PSG7: variants seen among roughly 807,000 people sequenced by gnomAD.
PSG7 encodes pregnancy specific beta-1-glycoprotein 7, also known as pregnancy-specific beta-1-glycoprotein 7.
In PSG7, 57 loss-of-function variants were observed where a neutral mutation model predicts 45.6. That is an observed-to-expected ratio of 1.25 (90% CI 1.01 to 1.56). The LOEUF (loss-of-function observed/expected upper bound fraction) is 1.56, where lower values mean the gene tolerates loss of function less well. PSG7 is among the 40% of genes most tolerant of loss of function. PSG7 has a pLI of 0.00. For synonymous variants in PSG7, 298 were observed against 194.4 expected (o/e 1.53, Z -4.43); for missense variants, 796 against 508.4 (o/e 1.57, Z -5.44).
At chr19:42,926,121 G>C in intron 4 of PSG7, 94 bp from the exon 5 acceptor site, 1 of 1,536,042 alleles carries the variant, frequency 6.5e-7, no homozygotes, top group Non-Finnish European at 8.8e-7. Context: ...TCTGAGCCGA[G>C]ACACACCCTC....
chr19:42,926,238 C>A lies in PSG7; in HGVS notation c.988+200G>T, dbSNP rs1477479853. 5 of 1,385,484 alleles carry A rather than the reference C, an allele frequency of 3.6e-6. No homozygotes were observed. The Admixed American group carries it at 1.1e-4, about 30-fold the overall frequency. 85.8% of individuals were successfully genotyped at this position (1,385,484 alleles called of 1,614,324 possible). ...CCCAAGTCTCCCATGACAAGAGCGT[C>A]CACTCCCCTTATATTCTTGGTTAAG... On this transcript the variant is annotated intron_variant, in intron 4 of 5. Transcript: ENST00000406070.
Position 42,929,519 on chromosome 19 carries a change from G to A in PSG7, c.632C>T (p.Thr211Ile), listed in dbSNP as rs370090831. 91 of 1,612,516 alleles carry A rather than the reference G, an allele frequency of 5.6e-5. 2 individuals carry two copies. The highest frequency in any genetic ancestry group is 7.1e-5 in the Non-Finnish European group (84 of 1,179,258). The change falls in exon 3 of 6, where the codon ACT becomes ATT. Residue 211 changes from threonine (T) to isoleucine (I), a missense_variant. Transcript: ENST00000406070. ...TLYLFGVTNY[T>I]AGPYECEIRN... ...TATTTCACATTCATAGGGTCCTGCA[G>A]TATAGTTTGTGACACCAAATAGGTA...
rs370808980 is a variant in PSG7, at chr19:42,935,484, G to T, written c.350C>A (p.Thr117Lys). ...LLIQNVTQED[T>K]GSYTLHIIKR... is the part of the protein sequence containing the mutation. Reference sequence around the variant, plus strand: ...TATGATGTGTAAAGTGTAGGATCCTGTGTCTTCCTGGGTGACATTCTGGAT... The same window carrying T: ...TATGATGTGTAAAGTGTAGGATCCTTTGTCTTCCTGGGTGACATTCTGGAT... The change falls in exon 2 of 6, where the codon ACA becomes AAA. Residue 117 changes from threonine (T) to lysine (K), a missense_variant. Thr to Lys is a moderately conservative substitution (Grantham distance 78). Coordinates refer to ENST00000406070, the MANE Select transcript of PSG7 (RefSeq NM_002783.3). The T allele has an allele frequency of 3.7e-6, 6 of 1,612,086 alleles. No homozygotes were observed. The highest frequency in any genetic ancestry group is 5.1e-6 in the Non-Finnish European group (6 of 1,179,026).
chr19:42,929,337 G>T (rs1345168701), intron 3 of PSG7, 105 bp downstream of exon 3: 2 of 1,599,172 alleles, frequency 1.3e-6, no homozygotes, highest in Non-Finnish European at 1.7e-6. Context: ...ATGTCCAGGG[G>T]TAAAGGTCTA....
intron 1 of PSG7, 36 bp from the exon 2 acceptor site, chr19:42,935,805 C>A: frequency 6.4e-7 from 1 of 1,568,506 alleles, no homozygotes; most frequent in South Asian, 1.2e-5. Flanking sequence ...AATATTGAGA[C>A]CTATGTGTTG....
chr19:42,931,257 A>C (rs1473835383), intron 2 of PSG7, among the ~76,000 whole-genome samples: 2 of 151,670 alleles, frequency 1.3e-5, no homozygotes, highest in East Asian at 1.9e-4. Flanking sequence ...TGCTGGTAGT[A>C]GTATTTCTCT....
chr19:42,927,537 G>T lies in PSG7; in HGVS notation c.710-821C>A, dbSNP rs1166504855. On this transcript the variant is annotated intron_variant, in intron 3 of 5. Transcript: ENST00000406070. The stretch of plus-strand genomic sequence containing the variant: ...GAAATACATGTGGACATTTGCAAAT[G>T]CAGAACTGACTGGTGGAAAGTGTGG... 2.6e-5 allele frequency: 4 copies of T among 151,554 alleles called. 1 individual carries two copies. The highest frequency in any genetic ancestry group is 2.9e-5 in the Non-Finnish European group (2 of 67,966). The allele number at this position is 151,554 out of a possible 1,614,324, so 9.4% of individuals were successfully genotyped here.
chr19:42,925,839 C>G lies in PSG7; in HGVS notation c.1177G>C (p.Ala393Pro), dbSNP rs755385661. ...GTGGCTGAGTTACGAACAGAGCAAG[C>G]ATAGAGCCCGCTATGCTTTGTAGTA... The part of the protein sequence containing the change: ...QITTKHSGLY[A>P]CSVRNSATGK... The change falls in exon 5 of 6, where the codon GCT becomes CCT. Residue 393 changes from alanine to proline, a missense_variant. Ala to Pro is a conservative substitution (Grantham distance 27, BLOSUM62 -1). Coordinates refer to ENST00000406070, the MANE Select transcript of PSG7 (RefSeq NM_002783.3). 6.2e-7 allele frequency: 1 copy of G among 1,612,028 alleles called. No individual in the cohort carries two copies. Among genetic ancestry groups the G allele is most frequent in the Non-Finnish European group, 8.5e-7 (1 of 1,179,030 alleles).
At chr19:42,925,453 C>T in intron 5 of PSG7, 2 of 647,024 alleles carry the variant, frequency 3.1e-6, no homozygotes, top group South Asian at 5.5e-5. Context: ...TTCCATAAAT[C>T]TAGAAAACTA....
chr19:42,925,935 G>C lies in PSG7; in HGVS notation c.1081C>G (p.Pro361Ala). The C allele has an allele frequency of 6.2e-7, 1 of 1,612,254 alleles. No individual in the cohort carries two copies. Among genetic ancestry groups the C allele is most frequent in the Non-Finnish European group, 8.5e-7 (1 of 1,179,206 alleles). Residue 361 changes from proline to alanine, a missense_variant, in exon 5 of 6, where the codon CCG (proline) becomes GCG (alanine). Transcript: ENST00000406070. Reference protein sequence around the residue: ...YLSCFADSNPPAQYSWTINGK... With the variant: ...YLSCFADSNPAAQYSWTINGK... Reference sequence around the variant, plus strand: ...TTAATTGTCCAAGAATACTGTGCCGGTGGGTTAGAGTCCGCAAAGCAGGAC... The same window carrying C: ...TTAATTGTCCAAGAATACTGTGCCGCTGGGTTAGAGTCCGCAAAGCAGGAC...
At chr19:42,927,473 T>G (rs1972921460) in intron 3 of PSG7, 1 of 152,050 alleles carries the variant, frequency 6.6e-6, no homozygotes. Context: ...TTTCCTCTCC[T>G]TCTGCAGAGG....
At position 42,929,461 on chromosome 19, in the gene PSG7, T is replaced by G. The variant is rs781088572; in HGVS notation, c.690A>C (p.Pro230=). The G allele has an allele frequency of 1.9e-5, 31 of 1,612,434 alleles. 1 individual carries two copies. The highest frequency in any genetic ancestry group is 2.4e-5 in the Non-Finnish European group (28 of 1,179,156). ...ACTCACGGAGGAGATTCAGGGTGAC[T>G]GGGTCACTGCGGCTGGCACTCACTG... is the stretch of plus-strand genomic sequence containing the variant. ...RNPVSASRSD[P]VTLNLLPKLP... The change falls in exon 3 of 6, where the codon CCA becomes CCC. Residue 230 remains proline, a synonymous_variant. Transcript: ENST00000406070.
chr19:42,935,000 A>C (rs1211809933), intron 2 of PSG7, among the ~76,000 whole-genome samples: 1 of 151,728 alleles, frequency 6.6e-6, no homozygotes, highest in South Asian at 2.1e-4. Flanking sequence ...GCAAGGATTT[A>C]GGGACAGGGG....
At position 42,937,080 on chromosome 19, in the gene PSG7, C is replaced by T; in HGVS notation, c.-4G>A. ...GAGGGGCTGAGAGGGGCCCCATGGT[C>T]TCTGCTCCCTGCGTGTTCTCCTCTG... On this transcript the variant is annotated 5_prime_UTR_variant, in exon 1 of 6. Coordinates refer to ENST00000406070, the MANE Select transcript of PSG7 (RefSeq NM_002783.3). The T allele has an allele frequency of 6.2e-7, 1 of 1,610,788 alleles. No homozygotes were observed. Among genetic ancestry groups the T allele is most frequent in the Non-Finnish European group, 8.5e-7 (1 of 1,178,092 alleles).
intron 5 of PSG7, chr19:42,925,098 T>C: frequency 2.0e-6 from 1 of 498,568 alleles, no homozygotes; most frequent in South Asian, 3.0e-5. Context: ...GAATCTCAGA[T>C]TAAACCTTTA....
At chr19:42,927,930 G>A (rs1280219459) in intron 3 of PSG7, among the ~76,000 whole-genome samples, 1 of 151,602 alleles carries the variant, frequency 6.6e-6, no homozygotes, top group Non-Finnish European at 1.5e-5. Context: ...TTCATTTTTT[G>A]ATTCTGAAAT....
chr19:42,929,500 A>C lies in PSG7; in HGVS notation c.651T>G (p.Cys217Trp). 6.2e-7 allele frequency: 1 copy of C among 1,612,566 alleles called. No homozygotes were observed. Among genetic ancestry groups the C allele is most frequent in the Non-Finnish European group, 8.5e-7 (1 of 1,179,228 alleles). Residue 217 changes from cysteine to tryptophan, a missense_variant, in exon 3 of 6, where the codon TGT becomes TGG. By Grantham distance (215) the Cys-to-Trp change is radical. Coordinates refer to ENST00000406070, the MANE Select transcript of PSG7 (RefSeq NM_002783.3). ...TGGCACTCACTGGGTTCCGTATTTC[A>C]CATTCATAGGGTCCTGCAGTATAGT... is the stretch of plus-strand genomic sequence containing the variant. ...VTNYTAGPYE[C>W]EIRNPVSASR...
At chr19:42,936,069 GC>G in intron 1 of PSG7, 2 of 418,636 alleles carry the variant, frequency 4.8e-6, no homozygotes, top group South Asian at 3.9e-5. Context: ...GGTCCGCACG[GC>G]CCCCTCCACA....
In PSG7 at chr19:42,926,386, T is replaced by C. The variant is rs1392604683; in HGVS notation, c.988+52A>G. ...GGACTGGCCTCTGGTCGTTTGGAGTTAAGCTGGTGTCCTGGCCCACAGAGG... is the reference window on the plus strand; with the variant it reads ...GGACTGGCCTCTGGTCGTTTGGAGTCAAGCTGGTGTCCTGGCCCACAGAGG... On this transcript the variant is annotated intron_variant, in intron 4 of 5. Coordinates refer to ENST00000406070, the MANE Select transcript of PSG7 (RefSeq NM_002783.3). The C allele has an allele frequency of 7.2e-5, 115 of 1,603,220 alleles. 6 individuals are homozygous for C. Among genetic ancestry groups the C allele is most frequent in the Non-Finnish European group, 9.5e-5 (112 of 1,174,678 alleles).
Sources: allele counts gnomAD v4.1 joint callset (sites outside exome capture counted in the v4.1 genomes callset), GRCh38; gene constraint gnomAD v4.1.1; transcripts MANE v1.5; gene names NCBI Gene and HGNC (gene_info 2026-07-23, HGNC 2026-07-21).